The following ABHD12B variants were observed in gnomAD, a reference collection of about 807,000 sequenced individuals.
ABHD12B encodes abhydrolase domain containing 12B.
In ABHD12B, 42 loss-of-function variants were observed where a neutral mutation model predicts 50.4. That is an observed-to-expected ratio of 0.83 (90% CI 0.65 to 1.08). The LOEUF is 1.08. ABHD12B is among the 50% of genes least tolerant of loss of function. ABHD12B has a pLI of 0.00. For synonymous variants in ABHD12B, 167 were observed against 160.3 expected (o/e 1.04, Z -0.32); for missense variants, 479 against 447.7 (o/e 1.07, Z -0.63).
chr14:50,885,984 C>A, intron 7 of ABHD12B, 89 bp downstream of exon 7: 1 of 1,566,624 alleles, frequency 6.4e-7, no homozygotes, highest in Non-Finnish European at 8.7e-7. Flanking sequence ...GAGGGAGCAC[C>A]GAGCCAGAAG....
chr14:50,899,176 G>A (rs1178901975), intron 9 of ABHD12B, among the ~76,000 whole-genome samples: 1 of 152,116 alleles, frequency 6.6e-6, no homozygotes, highest in Non-Finnish European at 1.5e-5. Context: ...TGGCCAACAA[G>A]AATGACACTC....
chr14:50,887,913 G>A (rs2050064239), intron 8 of ABHD12B, among the ~76,000 whole-genome samples: 1 of 152,162 alleles, frequency 6.6e-6, no homozygotes. Flanking sequence ...TGAAAGTTTT[G>A]TCTCGTTTCT....
rs767017090 is a variant in ABHD12B at position 50,904,364 on chromosome 14, T to C, written c.1087T>C (p.Ter363ArgextTer18). The C allele has an allele frequency of 8.7e-6, 14 of 1,613,876 alleles. No homozygotes were observed. The highest frequency in any genetic ancestry group is 1.1e-5 in the Non-Finnish European group (13 of 1,179,838). ...VRDFLSKQWS[*>R] is the part of the protein sequence containing the mutation. ...AGATTTCCTGAGCAAGCAGTGGTCA[T>C]GAGTCTGGGAGGAGTGGAAATCTTC... The change falls in exon 13 of 13, where the codon TGA becomes CGA. Residue 363 changes from the stop codon to arginine (R), a stop_lost. Coordinates refer to ENST00000337334, the MANE Select transcript of ABHD12B (RefSeq NM_001206673.2).
In ABHD12B at chr14:50,886,586, C is replaced by A. The variant is rs951231447; in HGVS notation, c.663-61C>A. The A allele has an allele frequency of 3.3e-6, 5 of 1,500,644 alleles. No individual in the cohort carries two copies. The East Asian group carries it at 9.1e-5, about 27-fold the overall frequency. The allele number at this position is 1,500,644 out of a possible 1,614,324, so 93.0% of individuals were successfully genotyped here. A position where few individuals can be genotyped will look rare whatever the true frequency, so the allele number is the denominator to read the frequency against. ...CAGAGCTTTTATCAGATGCTCATAC[C>A]AGAAGTTGCATTTTGTACTGTTATT... On this transcript the variant is annotated intron_variant, in intron 7 of 12. Transcript: ENST00000337334.
Position 50,877,964 on chromosome 14 carries a change from C to G in ABHD12B, c.117C>G (p.His39Gln), listed in dbSNP as rs1381302204. Reference sequence around the variant, plus strand: ...CAATACCTTGCAGATATTTTCCACACTCCTGTTCAATGCTCGGAAGAAAAA... The same window carrying G: ...CAATACCTTGCAGATATTTTCCACAGTCCTGTTCAATGCTCGGAAGAAAAA... ...MVDRNLRYFP[H>Q]SCSMLGRKIA... The change falls in exon 2 of 13, where the codon CAC becomes CAG. Residue 39 changes from histidine (H) to glutamine (Q), a missense_variant. Physicochemically the swap from His to Gln is conservative, Grantham distance 24 (BLOSUM62 0). Coordinates refer to ENST00000337334, the MANE Select transcript of ABHD12B (RefSeq NM_001206673.2). 2.0e-6 allele frequency: 3 copies of G among 1,532,694 alleles called. No homozygotes were observed. In the South Asian group the frequency reaches 3.6e-5, roughly 18 times the overall value. The allele number at this position is 1,532,694 out of a possible 1,614,324, so 94.9% of individuals were successfully genotyped here.
intron 9 of ABHD12B, chr14:50,891,340 T>C (rs561047213): frequency 6.6e-6 from 1 of 152,216 alleles, no homozygotes; most frequent in African/African-American, 2.4e-5. Context: ...CTTCCCGGGT[T>C]CACGCCATTC....
chr14:50,877,007 G>A (rs892826867), intron 1 of ABHD12B, among the ~76,000 whole-genome samples: 29 of 152,298 alleles, frequency 1.9e-4, no homozygotes, highest in Middle Eastern at 3.4e-3. Flanking sequence ...TTGAGACAGA[G>A]GTGTCCTTAG....
intron 7 of ABHD12B, among the ~76,000 whole-genome samples, chr14:50,886,440 C>CAAAAAAAA (rs534954967): frequency 1.6e-5 from 1 of 62,980 alleles, no homozygotes. Context: ...GCTCTGTCTC[C>CAAAAAAAA]AAAAAAAAAA....
Position 50,886,762 on chromosome 14 carries a change from C to T in ABHD12B, c.700+78C>T, listed in dbSNP as rs575904586. 3.7e-6 allele frequency: 5 copies of T among 1,364,448 alleles called. No homozygotes were observed. The South Asian group carries it at 5.0e-5, about 14-fold the overall frequency. 84.5% of individuals were successfully genotyped at this position (1,364,448 alleles called of 1,614,324 possible). On this transcript the variant is annotated intron_variant, in intron 8 of 12. Transcript: ENST00000337334. ...AAAACAGTCAAGAGACTATTGTGTA[C>T]ACTTTGAACATATAGACACCAAAAG...
At position 50,877,966 on chromosome 14, in the gene ABHD12B, C is replaced by A. The variant is rs764754215; in HGVS notation, c.119C>A (p.Ser40Tyr). The change falls in exon 2 of 13, where the codon TCC becomes TAC. Residue 40 changes from serine to tyrosine, a missense_variant. Ser to Tyr is a moderately radical substitution (Grantham distance 144). Transcript: ENST00000337334. ...VDRNLRYFPHSCSMLGRKIAA... is the reference protein window; with the variant it reads ...VDRNLRYFPHYCSMLGRKIAA... ...ATACCTTGCAGATATTTTCCACACT[C>A]CTGTTCAATGCTCGGAAGAAAAATT... is the stretch of plus-strand genomic sequence containing the variant. The A allele has an allele frequency of 1.3e-6, 2 of 1,533,070 alleles. No individual in the cohort carries two copies. Among genetic ancestry groups the A allele is most frequent in the South Asian group, 2.4e-5 (2 of 83,072 alleles). The allele number at this position is 1,533,070 out of a possible 1,614,324, so 95.0% of individuals were successfully genotyped here.
chr14:50,903,333 G>A, intron 10 of ABHD12B, 56 bp from the exon 11 acceptor site: 1 of 1,369,376 alleles, frequency 7.3e-7, no homozygotes, highest in Non-Finnish European at 1.0e-6. Context: ...CTTAGAAGAG[G>A]AGAAATCTCA....
chr14:50,885,978 G>A (rs1230845631), intron 7 of ABHD12B, 83 bp downstream of exon 7: 2 of 1,577,524 alleles, frequency 1.3e-6, no homozygotes, highest in East Asian at 2.3e-5. Context: ...GTAGTGGAGG[G>A]AGCACCGAGC....
chr14:50,876,507 G>C lies in ABHD12B; in HGVS notation c.105-1445G>C, dbSNP rs114817684. On this transcript the variant is annotated intron_variant, in intron 1 of 12. Coordinates refer to ENST00000337334, the MANE Select transcript of ABHD12B (RefSeq NM_001206673.2). ...AAGAAAGGACGGGACCCTGCTGAGA[G>C]GGCTAAGGTGCAGAAGGAGATCTTA... is the stretch of plus-strand genomic sequence containing the variant. Among the ~76,000 whole-genome samples, 753 of 152,326 alleles carry C rather than the reference G, an allele frequency of 4.9e-3. 8 individuals carry two copies. The highest frequency in any genetic ancestry group is 0.017 in the African/African-American group (716 of 41,574).
At position 50,881,640 on chromosome 14, in the gene ABHD12B, G is replaced by C; in HGVS notation, c.486+14G>C. The C allele has an allele frequency of 6.2e-7, 1 of 1,612,344 alleles. No individual in the cohort carries two copies. Among genetic ancestry groups the C allele is most frequent in the African/African-American group, 1.3e-5 (1 of 74,554 alleles). On this transcript the variant is annotated intron_variant, in intron 5 of 12. Transcript: ENST00000337334. ...AAGCTGGTAAAGGTATGTCTGAAGA[G>C]GCCTCAAAGCACCCATTTCATAAGT...
At chr14:50,898,572 T>C (rs1306069755) in intron 9 of ABHD12B, among the ~76,000 whole-genome samples, 2 of 152,174 alleles carry the variant, frequency 1.3e-5, no homozygotes, top group Non-Finnish European at 2.9e-5. Context: ...CCTGTGAGTC[T>C]CAAAGGGCAC....
In ABHD12B at chr14:50,886,596, AT is replaced by A. The variant is rs2050041314; in HGVS notation, c.663-47del. ...ATCAGATGCTCATACCAGAAGTTGCATTTTGTACTGTTATTGCTTAACACAT... is the reference window on the plus strand; with the variant it reads ...ATCAGATGCTCATACCAGAAGTTGCATTTGTACTGTTATTGCTTAACACAT... On this transcript the variant is annotated intron_variant, in intron 7 of 12. Transcript: ENST00000337334. 21 of 1,565,268 alleles carry A rather than the reference AT, an allele frequency of 1.3e-5. No homozygotes were observed. In the South Asian group the frequency reaches 2.1e-4, roughly 15 times the overall value.
intron 9 of ABHD12B, chr14:50,892,461 G>C: frequency 1.0e-6 from 1 of 985,420 alleles, no homozygotes; most frequent in Non-Finnish European, 1.2e-6. Flanking sequence ...TCTGCCCTCC[G>C]CTAAGGTAGG....
chr14:50,872,288 G>A lies in ABHD12B; in HGVS notation c.104+10G>A. Reference sequence around the variant, plus strand: ...TCGACCGCAACCTGCGGTGAGTACCGCCCGGTCCACCCCTGGCCGGGCCCC... The same window carrying A: ...TCGACCGCAACCTGCGGTGAGTACCACCCGGTCCACCCCTGGCCGGGCCCC... On this transcript the variant is annotated intron_variant, in intron 1 of 12. Transcript: ENST00000337334. 2 of 1,311,750 alleles carry A rather than the reference G, an allele frequency of 1.5e-6. No individual in the cohort carries two copies. The highest frequency in any genetic ancestry group is 2.1e-5 in the South Asian group (1 of 47,008). The allele number at this position is 1,311,750 out of a possible 1,614,324, so 81.3% of individuals were successfully genotyped here. A position where few individuals can be genotyped will look rare whatever the true frequency, so the allele number is the denominator to read the frequency against.
At chr14:50,894,073 C>T (rs944358840) in intron 9 of ABHD12B, among the ~76,000 whole-genome samples, 9 of 152,182 alleles carry the variant, frequency 5.9e-5, no homozygotes, top group East Asian at 1.9e-4. Context: ...CGGCAAGTCC[C>T]GCTTTTCTGG....
Sources: gnomAD v4.1 joint callset for allele counts (sites outside exome capture counted in the v4.1 genomes callset) on GRCh38, gnomAD v4.1.1 for gene constraint, MANE v1.5 for transcripts, NCBI Gene and HGNC (gene_info 2026-07-23, HGNC 2026-07-21) for gene names.